Variants in DNAH1 observed in about 807,000 individuals in gnomAD.
DNAH1 encodes dynein axonemal heavy chain 1, also known as axonemal beta dynein heavy chain 1.
DNAH1 carries 327 observed loss-of-function variants against 484.3 expected under a neutral mutation model. That is an observed-to-expected ratio of 0.68 (90% CI 0.62 to 0.74). The LOEUF (loss-of-function observed/expected upper bound fraction) is 0.74. DNAH1 is among the 30% of genes least tolerant of loss of function. DNAH1 has a pLI of 0.00. For synonymous variants in DNAH1, 2,192 were observed against 2,191.9 expected (o/e 1.00, Z 0.00); for missense variants, 5,052 against 5,546.8 (o/e 0.91, Z 2.83).
chr3:52,356,153 G>A (rs1702600415), intron 21 of DNAH1, among the ~76,000 whole-genome samples: 1 of 152,230 alleles, frequency 6.6e-6, no homozygotes, highest in South Asian at 2.1e-4. Context: ...TCATTTTGAA[G>A]ATGTCTCACC....
chr3:52,351,765 T>C (rs1702389711), intron 16 of DNAH1, among the ~76,000 whole-genome samples, 197 bp from the exon 17 acceptor site: 1 of 152,160 alleles, frequency 6.6e-6, no homozygotes, highest in African/African-American at 2.4e-5. Context: ...GCCTCCCTGA[T>C]GGTGGCAGTC....
rs763268455 is a variant in DNAH1, at chr3:52,350,544, A to G, written c.2683A>G (p.Met895Val). ...IVKVMDDYQVMDEFLYNLSSD... is the reference protein window; with the variant it reads ...IVKVMDDYQVVDEFLYNLSSD... ...GAAGGTCATGGATGACTACCAGGTC[A>G]TGGATGAATTCCTCTACAACCTCAG... Residue 895 changes from methionine to valine, a missense_variant, in exon 16 of 78, where the codon ATG (methionine) becomes GTG (valine). Physicochemically the swap from Met to Val is conservative, Grantham distance 21. Transcript: ENST00000420323. The G allele has an allele frequency of 5.0e-6, 8 of 1,613,862 alleles. No homozygotes were observed. In the African/African-American group the frequency reaches 5.3e-5, roughly 11 times the overall value.
intron 21 of DNAH1, among the ~76,000 whole-genome samples, chr3:52,356,159 T>C (rs1377168855): frequency 1.3e-5 from 2 of 152,212 alleles, no homozygotes; most frequent in Non-Finnish European, 2.9e-5. Context: ...TGAAGATGTC[T>C]CACCCTTGGA....
chr3:52,389,374 C>T (rs1018105076), intron 59 of DNAH1, 87 bp from the exon 60 acceptor site: 336 of 1,571,240 alleles, frequency 2.1e-4, no homozygotes, highest in Non-Finnish European at 6.8e-5. Context: ...CAGATCTCTG[C>T]AACTGCCAAG....
rs765908379 is a variant in DNAH1 at position 52,386,229 on chromosome 3, G to T, written c.8695G>T (p.Ala2899Ser). 38 of 1,613,618 alleles carry T rather than the reference G, an allele frequency of 2.4e-5. No individual in the cohort carries two copies. In the African/African-American group the frequency reaches 3.7e-4, roughly 16 times the overall value. Residue 2899 changes from alanine to serine, a missense_variant, in exon 55 of 78, where the codon GCC becomes TCC. By Grantham distance (99) the Ala-to-Ser change is moderately conservative. Transcript: ENST00000420323. ...AGAGGAGATCAAAGCCAATGAGAAG[G>T]CCAAGAAGGCACAAGCTATTGCTGA... ...QTEEIKANEK[A>S]KKAQAIADDA...
intron 15 of DNAH1, 130 bp from the exon 16 acceptor site, chr3:52,350,378 C>A: frequency 9.9e-7 from 1 of 1,006,332 alleles, no homozygotes; most frequent in Non-Finnish European, 1.5e-6. Flanking sequence ...GGGCCTCCTC[C>A]CCTGGCCCAG....
chr3:52,367,635 C>G (rs1019974834), intron 36 of DNAH1, among the ~76,000 whole-genome samples: 2 of 151,622 alleles, frequency 1.3e-5, no homozygotes, highest in Admixed American at 1.3e-4. Context: ...AGTGCAGTGG[C>G]GCCATCTCGG....
Position 52,362,360 on chromosome 3 carries a change from C to T in DNAH1, c.4981-28C>T, listed in dbSNP as rs751204605. 1.1e-5 allele frequency: 17 copies of T among 1,599,636 alleles called. 1 individual carries two copies. The South Asian group carries it at 1.8e-4, about 17-fold the overall frequency. On this transcript the variant is annotated intron_variant, in intron 30 of 77. Coordinates refer to ENST00000420323, the MANE Select transcript of DNAH1 (RefSeq NM_015512.5). The surrounding 1 kb of genome is among the most constrained non-coding windows in gnomAD (Gnocchi z 5.1). ...GGGACAAGGCTGGGCACCCTAGTCC[C>T]AGGCAAGTCAGCCTCTCCCCACTGC...
At chr3:52,360,777 G>T (rs1702822619) in intron 28 of DNAH1, among the ~76,000 whole-genome samples, 1 of 152,196 alleles carries the variant, frequency 6.6e-6, no homozygotes, top group South Asian at 2.1e-4. Flanking sequence ...CCTTTAATGT[G>T]CCAGAGGAAC....
At chr3:52,354,759 C>T in intron 20 of DNAH1, 84 bp from the exon 21 acceptor site, 3 of 1,402,522 alleles carry the variant, frequency 2.1e-6, no homozygotes, top group Non-Finnish European at 2.0e-6. Context: ...CAGGTACTGT[C>T]TGCTGCTTCC....
At chr3:52,327,752 C>CAGT (rs1466803387) in intron 5 of DNAH1, 130 bp from the exon 6 acceptor site, 4 of 1,075,442 alleles carry the variant, frequency 3.7e-6, no homozygotes, top group Non-Finnish European at 5.4e-6. Flanking sequence ...GGTCAGCCCC[C>CAGT]AGTGCCACCT....
chr3:52,313,895 C>A (rs965334159), upstream of DNAH1, among the ~76,000 whole-genome samples: 3 of 152,166 alleles, frequency 2.0e-5, no homozygotes, highest in Non-Finnish European at 4.4e-5. Flanking sequence ...AGAAGAAAAA[C>A]TGAGGCCTAA....
Position 52,346,691 on chromosome 3 carries a change from A to G in DNAH1, c.1876A>G (p.Ile626Val), listed in dbSNP as rs757218362. ...QDSLASFSQF[I>V]SDTCCSVLNC... ...CTCACTTGCCAGCTTCTCACAGTTC[A>G]TCAGCGACACCTGTTGCAGCGTGCT... Residue 626 changes from isoleucine (I) to valine (V), a missense_variant, in exon 11 of 78, where the codon ATC (isoleucine) becomes GTC (valine). Physicochemically the swap from Ile to Val is conservative, Grantham distance 29. Coordinates refer to ENST00000420323, the MANE Select transcript of DNAH1 (RefSeq NM_015512.5). 34 of 1,613,894 alleles carry G rather than the reference A, an allele frequency of 2.1e-5. No individual in the cohort carries two copies. The highest frequency in any genetic ancestry group is 2.3e-5 in the Non-Finnish European group (27 of 1,179,892).
intron 54 of DNAH1, 50 bp downstream of exon 54, chr3:52,385,497 G>A (rs774775964): frequency 6.1e-5 from 91 of 1,484,500 alleles, no homozygotes; most frequent in Middle Eastern, 1.8e-4. Context: ...GAGGAAGCTC[G>A]GCACCCCCAC....
chr3:52,362,893 C>A lies in DNAH1; in HGVS notation c.5095-102C>A. 1.3e-6 allele frequency: 2 copies of A among 1,509,396 alleles called. No individual in the cohort carries two copies. The highest frequency in any genetic ancestry group is 1.2e-5 in the South Asian group (1 of 82,868). 93.5% of individuals were successfully genotyped at this position (1,509,396 alleles called of 1,614,324 possible). On this transcript the variant is annotated intron_variant, in intron 31 of 77. Transcript: ENST00000420323. This position sits in a 1 kb window ranked among gnomAD's most constrained non-coding sequence, Gnocchi z 5.1. ...AGCCTCAGCTGTGGCAGGCTTGGTG[C>A]AGCAGGGAGTCCCAGCGTGTTAGGG...
chr3:52,376,765 A>G (rs1703621556), intron 46 of DNAH1, among the ~76,000 whole-genome samples: 1 of 151,778 alleles, frequency 6.6e-6, no homozygotes, highest in Non-Finnish European at 1.5e-5. Flanking sequence ...AACTCCTCCA[A>G]AGCATTGTCT....
At chr3:52,322,333 C>T in intron 1 of DNAH1, 76 bp from the exon 2 acceptor site, 1 of 1,009,476 alleles carries the variant, frequency 9.9e-7, no homozygotes. Context: ...GGCAGGCAGG[C>T]AATCTAGGCA....
At chr3:52,371,631 C>T (rs1039382418) in intron 41 of DNAH1, among the ~76,000 whole-genome samples, 5 of 152,354 alleles carry the variant, frequency 3.3e-5, no homozygotes, top group Non-Finnish European at 7.3e-5. Context: ...GTTCAATTCT[C>T]GGAGCTTCTC....
chr3:52,349,502 G>C, intron 14 of DNAH1, 82 bp downstream of exon 14: 2 of 1,342,116 alleles, frequency 1.5e-6, no homozygotes, highest in East Asian at 2.4e-5. Context: ...TACATGGCAA[G>C]ATGTCCCCAA....
Sources: allele counts gnomAD v4.1 joint callset (sites outside exome capture counted in the v4.1 genomes callset), GRCh38; gene constraint gnomAD v4.1.1; non-coding constraint Gnocchi (gnomAD v3.1); transcripts MANE v1.5; gene names NCBI Gene and HGNC (gene_info 2026-07-23, HGNC 2026-07-21).